CSRP2: variants seen among roughly 807,000 people sequenced by gnomAD.
CSRP2 encodes cysteine and glycine-rich protein 2.
A neutral mutation model predicts 24.6 loss-of-function variants in CSRP2; 18 were observed. That is an observed-to-expected ratio of 0.73 (90% confidence interval 0.51 to 1.09). The LOEUF (loss-of-function observed/expected upper bound fraction) is 1.09. Ranked by LOEUF, CSRP2 falls within the 50% of genes least tolerant of loss-of-function variation. The pLI is 0.00. For missense variants in CSRP2, 215 were observed against 239.4 expected, an observed-to-expected ratio of 0.90 and a Z score of 0.67; for synonymous variants, 87 against 84.3, an observed-to-expected ratio of 1.03 and a Z score of -0.18.
intron 1 of CSRP2, among the ~76,000 whole-genome samples, chr12:76,875,083 T>C (rs1267277616): frequency 1.3e-5 from 2 of 152,170 alleles, no homozygotes; most frequent in Non-Finnish European, 2.9e-5. Context: ...CACAGAACAT[T>C]AAGGGTTGAG....
chr12:76,872,466 G>A (rs145302732), intron 1 of CSRP2, among the ~76,000 whole-genome samples: 1 of 152,322 alleles, frequency 6.6e-6, no homozygotes, highest in Non-Finnish European at 1.5e-5. Flanking sequence ...TTAGAGCCAG[G>A]CCAGCAACCT....
Position 76,866,145 on chromosome 12 carries a change from T to C in CSRP2, c.112+4A>G. On this transcript the variant is annotated splice_donor_region_variant and intron_variant, in intron 2 of 5. Transcript: ENST00000311083. ...TCAAAGGTGGAGCATGGAGAGCTAC[T>C]TACTGCAGAGAAAGCAGCAGCGGTG... The C allele has an allele frequency of 6.2e-7, 1 of 1,607,292 alleles. No homozygotes were observed. Among genetic ancestry groups the C allele is most frequent in the Non-Finnish European group, 8.5e-7 (1 of 1,173,776 alleles).
At chr12:76,860,531 C>A (rs1018100152) in intron 3 of CSRP2, 118 bp from the exon 4 acceptor site, 1 of 1,215,094 alleles carries the variant, frequency 8.2e-7, no homozygotes. Context: ...AAGCTGGAAG[C>A]CTTTGCAGGC....
Position 76,863,318 on chromosome 12 carries a change from T to C in CSRP2, c.139A>G (p.Thr47Ala), listed in dbSNP as rs1282909598. ...TCTTCATCGTGAATTGCCACTGTTG[T>C]GCTATCTAAATTTTTCCTGCAAACC... is the stretch of plus-strand genomic sequence containing the variant. ...CMVCRKNLDS[T>A]TVAIHDEEIY... Residue 47 changes from threonine (T) to alanine (A), a missense_variant, in exon 3 of 6, where the codon ACA (threonine) becomes GCA (alanine). Thr to Ala is a moderately conservative substitution (Grantham distance 58). Transcript: ENST00000311083. The C allele has an allele frequency of 1.9e-6, 3 of 1,614,084 alleles. No homozygotes were observed. The African/African-American group carries it at 4.0e-5, about 22-fold the overall frequency.
At chr12:76,864,645 G>A (rs546479399) in intron 2 of CSRP2, 1 of 151,854 alleles carries the variant, frequency 6.6e-6, no homozygotes, top group Non-Finnish European at 1.5e-5. Flanking sequence ...AATAAAAGGG[G>A]GGGGGTTGAA....
chr12:76,869,737 T>C (rs530631346), intron 1 of CSRP2, among the ~76,000 whole-genome samples: 2 of 152,324 alleles, frequency 1.3e-5, no homozygotes, highest in East Asian at 1.9e-4. Flanking sequence ...CTTGCGACAA[T>C]AGGACATGTT....
At position 76,866,251 on chromosome 12, in the gene CSRP2, A is replaced by T. The variant is rs768668263; in HGVS notation, c.10T>A (p.Trp4Arg). Reference protein sequence around the residue: MPVWGGGNKCGACG... With the variant: MPVRGGGNKCGACG... ...GCCCCACACTTGTTTCCACCTCCCC[A>T]GACAGGCATTCTGAAGGAATAAAGG... is the stretch of plus-strand genomic sequence containing the variant. The change falls in exon 2 of 6, where the codon TGG (tryptophan) becomes AGG (arginine). Residue 4 changes from tryptophan to arginine, a missense_variant. Physicochemically the swap from Trp to Arg is moderately radical, Grantham distance 101 (BLOSUM62 -3). Transcript: ENST00000311083. 1 of 1,613,542 alleles carries T rather than the reference A, an allele frequency of 6.2e-7. No individual in the cohort carries two copies. The highest frequency in any genetic ancestry group is 8.5e-7 in the Non-Finnish European group (1 of 1,179,610).
chr12:76,864,628 T>C (rs936685602), intron 2 of CSRP2: 4 of 104,576 alleles, frequency 3.8e-5, no homozygotes, highest in Non-Finnish European at 6.0e-5. Flanking sequence ...AAATTAAAAG[T>C]AAGAAAAATA....
chr12:76,859,469 T>A (rs1339319484), intron 5 of CSRP2, 78 bp downstream of exon 5: 3 of 912,828 alleles, frequency 3.3e-6, no homozygotes, highest in South Asian at 1.7e-5. Flanking sequence ...TTTTTTTTTT[T>A]AATGCCAGTG....
intron 5 of CSRP2, 25 bp downstream of exon 5, chr12:76,859,522 C>T: frequency 1.4e-6 from 2 of 1,458,416 alleles, no homozygotes; most frequent in Non-Finnish European, 1.9e-6. Flanking sequence ...TTCATATGGA[C>T]AGCAGTAACT....
At chr12:76,869,821 C>A (rs1474788059) in intron 1 of CSRP2, among the ~76,000 whole-genome samples, 1 of 152,208 alleles carries the variant, frequency 6.6e-6, no homozygotes, top group Non-Finnish European at 1.5e-5. Flanking sequence ...TTGTTGAAAT[C>A]CAGAGTGAAA....
intron 5 of CSRP2, 84 bp from the exon 6 acceptor site, chr12:76,859,112 C>T: frequency 9.0e-7 from 1 of 1,109,218 alleles, no homozygotes; most frequent in African/African-American, 1.5e-5. Flanking sequence ...AACAAACCCC[C>T]ATAAATTAAA....
intron 3 of CSRP2, chr12:76,861,039 G>A (rs1235013964): frequency 2.0e-5 from 3 of 151,932 alleles, no homozygotes; most frequent in African/African-American, 7.3e-5. Flanking sequence ...TGGTAAGGGT[G>A]GTATTTTTGT....
chr12:76,877,857 T>C (rs994376231), intron 1 of CSRP2, among the ~76,000 whole-genome samples: 9 of 152,310 alleles, frequency 5.9e-5, no homozygotes, highest in African/African-American at 1.9e-4. Context: ...TTTGAATTCT[T>C]GGCATTTTAT....
chr12:76,878,828 G>C (rs543987243), intron 1 of CSRP2, 110 bp downstream of exon 1: 1 of 152,386 alleles, frequency 6.6e-6, no homozygotes, highest in Non-Finnish European at 1.5e-5. Context: ...GGAGGAGACC[G>C]GGGCGCGCCG....
In CSRP2 at chr12:76,869,387, AC is replaced by A. The variant is rs151183401; in HGVS notation, c.-1-3127del. Among the ~76,000 whole-genome samples the A allele has an allele frequency of 3.1e-3, 478 of 151,820 alleles. 1 individual carries two copies. The highest frequency in any genetic ancestry group is 0.011 in the African/African-American group (455 of 41,376). ...GGACAAAAACACTCAAACCATAGCA[AC>A]CCCCAACTCCAAGGCTGGGCATGTG... On this transcript the variant is annotated intron_variant, in intron 1 of 5. Transcript: ENST00000311083.
At chr12:76,862,879 G>A (rs372521331) in intron 3 of CSRP2, 18 of 1,480,644 alleles carry the variant, frequency 1.2e-5, no homozygotes, top group Non-Finnish European at 1.5e-5. Flanking sequence ...CATGACATCC[G>A]GTCTCCAAGG....
chr12:76,867,520 C>G (rs1422407460), intron 1 of CSRP2, among the ~76,000 whole-genome samples: 3 of 151,878 alleles, frequency 2.0e-5, no homozygotes, highest in Non-Finnish European at 2.9e-5. Context: ...AAGAAAAAAG[C>G]CTGGTTCTGA....
At position 76,859,010 on chromosome 12, in the gene CSRP2, A is replaced by G. The variant is rs970608579; in HGVS notation, c.524T>C (p.Phe175Ser). ...IYCKGCYAKN[F>S]GPKGFGYGQG... is the part of the protein sequence containing the mutation. Reference sequence around the variant, plus strand: ...GCCATAGCCAAATCCCTTGGGCCCAAAGTTCTTTGCATAGCATCCTACAAA... The same window carrying G: ...GCCATAGCCAAATCCCTTGGGCCCAGAGTTCTTTGCATAGCATCCTACAAA... The change falls in exon 6 of 6, where the codon TTT (phenylalanine) becomes TCT (serine). Residue 175 changes from phenylalanine (F) to serine (S), a missense_variant. Transcript: ENST00000311083. 5 of 1,614,236 alleles carry G rather than the reference A, an allele frequency of 3.1e-6. No homozygotes were observed. Among genetic ancestry groups the G allele is most frequent in the East Asian group, 4.5e-5 (2 of 44,874 alleles).
Sources: gnomAD v4.1 joint callset for allele counts (sites outside exome capture counted in the v4.1 genomes callset) on GRCh38, gnomAD v4.1.1 for gene constraint, MANE v1.5 for transcripts, NCBI Gene and HGNC (gene_info 2026-07-23, HGNC 2026-07-21) for gene names.